Variants in TENM2 observed in about 807,000 individuals in gnomAD.
TENM2 encodes the protein teneurin transmembrane protein 2.
TENM2 carries 52 observed loss-of-function variants against 245.2 expected under a neutral mutation model. That is an observed-to-expected ratio of 0.21 (90% CI 0.17 to 0.27). TENM2 has a LOEUF of 0.27. TENM2 is among the 10% of genes least tolerant of loss of function. The pLI, the probability that TENM2 is intolerant of heterozygous loss-of-function variation, is 1.00. For missense variants in TENM2, 3,046 were observed against 3,666.8 expected, an observed-to-expected ratio of 0.83 and a Z score of 4.37; for synonymous variants, 1,363 against 1,438.9, an observed-to-expected ratio of 0.95 and a Z score of 1.19.
intron 23 of TENM2, among the ~76,000 whole-genome samples, chr5:168,224,481 T>C (rs1377150128): frequency 6.6e-6 from 1 of 152,258 alleles, no homozygotes; most frequent in Admixed American, 6.5e-5. Context: ...CCTGAAAGCC[T>C]GAGCCAGGTC....
chr5:167,465,720 A>G (rs1766603697), intron 2 of TENM2, among the ~76,000 whole-genome samples: 1 of 151,934 alleles, frequency 6.6e-6, no homozygotes, highest in Non-Finnish European at 1.5e-5. Flanking sequence ...AGTCCCAGCT[A>G]CTCCGGAGGC....
chr5:167,284,876 A>G (rs1235511898), exon 1 of TENM2: 2 of 1,551,692 alleles, frequency 1.3e-6, no homozygotes, highest in Non-Finnish European at 1.7e-6. Context: ...CTTTGACCAG[A>G]GGACGCTGTG....
chr5:168,040,233 G>T (rs1339169945), intron 5 of TENM2, among the ~76,000 whole-genome samples: 1 of 152,196 alleles, frequency 6.6e-6, no homozygotes, highest in Non-Finnish European at 1.5e-5. Flanking sequence ...GGACAGTTTT[G>T]GGACTGTAGC....
At chr5:168,209,717 C>T (rs1562284040) in intron 19 of TENM2, among the ~76,000 whole-genome samples, 1 of 152,196 alleles carries the variant, frequency 6.6e-6, no homozygotes, top group East Asian at 1.9e-4. Context: ...GCAAAGTCTG[C>T]CCAGCACTAA....
rs941890891 is a variant in TENM2, at chr5:167,781,070, G to T, written c.503-94916G>T. 5.9e-5 allele frequency among the ~76,000 whole-genome samples: 9 copies of T among 152,238 alleles called. No individual in the cohort carries two copies. In the South Asian group the frequency reaches 1.0e-3, roughly 18 times the overall value. Reference sequence around the variant, plus strand: ...TCACGCTTGTAATCCAAGCACTTTGGGGGGCTGAGGTGGGAGGATCATTTA... The same window carrying T: ...TCACGCTTGTAATCCAAGCACTTTGTGGGGCTGAGGTGGGAGGATCATTTA... On this transcript the variant is annotated intron_variant, in intron 2 of 28. Transcript: ENST00000518659.
chr5:168,127,181 G>A (rs1721358721), intron 12 of TENM2, among the ~76,000 whole-genome samples: 1 of 152,188 alleles, frequency 6.6e-6, no homozygotes, highest in Non-Finnish European at 1.5e-5. Flanking sequence ...GACCAGAGCA[G>A]ATAAGAAAAC....
chr5:167,050,050 C>G, the TENM2 span, among the ~76,000 whole-genome samples: 2 of 152,042 alleles, frequency 1.3e-5, no homozygotes, highest in Non-Finnish European at 2.9e-5. Context: ...GAGTCAGCTG[C>G]CAAATACAAA....
intron 4 of TENM2, among the ~76,000 whole-genome samples, chr5:167,984,924 GC>G (rs1783124897): frequency 6.6e-6 from 1 of 151,998 alleles, no homozygotes; most frequent in Admixed American, 6.6e-5. Flanking sequence ...GCCTCAACCA[GC>G]ACCATTCCTT....
the TENM2 span, among the ~76,000 whole-genome samples, chr5:167,193,141 T>C: frequency 6.6e-6 from 1 of 152,034 alleles, no homozygotes. Context: ...ACGTTTAATA[T>C]ATCTTGTTCA....
At chr5:168,109,036 C>A (rs905754630) in intron 9 of TENM2, among the ~76,000 whole-genome samples, 2 of 152,170 alleles carry the variant, frequency 1.3e-5, no homozygotes, top group Non-Finnish European at 1.5e-5. Context: ...ATCATTCATA[C>A]CCATCTCCTT....
exon 29 of TENM2, chr5:168,262,148 G>C: frequency 6.2e-7 from 1 of 1,613,732 alleles, no homozygotes; most frequent in South Asian, 1.1e-5. Context: ...CAGCATCCGA[G>C]AGAAAGCAGG....
Position 168,141,383 on chromosome 5 carries a change from A to T in TENM2, c.2422+14417A>T, listed in dbSNP as rs112737616. On this transcript the variant is annotated intron_variant, in intron 12 of 28. Transcript: ENST00000518659. The stretch of plus-strand genomic sequence containing the variant: ...CAGAGGCAGATGCAAAACCAGGGAA[A>T]CACCTGGCCATTTTAAATGCATGTG... Among the ~76,000 whole-genome samples the T allele has an allele frequency of 7.7e-3, 1,167 of 152,294 alleles. 13 individuals are homozygous for T. The highest frequency in any genetic ancestry group is 0.026 in the African/African-American group (1,089 of 41,562).
At chr5:168,019,284 G>T (rs1362753674) in intron 5 of TENM2, among the ~76,000 whole-genome samples, 2 of 152,170 alleles carry the variant, frequency 1.3e-5, no homozygotes, top group Admixed American at 1.3e-4. Context: ...ATTCTTAAGT[G>T]ACTCAAAACC....
At chr5:168,164,576 T>C (rs1325892156) in intron 13 of TENM2, among the ~76,000 whole-genome samples, 1 of 152,126 alleles carries the variant, frequency 6.6e-6, no homozygotes, top group African/African-American at 2.4e-5. Flanking sequence ...CAGGAGAAGT[T>C]TTCTGTCTCC....
intron 2 of TENM2, among the ~76,000 whole-genome samples, chr5:167,578,928 A>G (rs1002094579): frequency 4.6e-5 from 7 of 152,206 alleles, no homozygotes; most frequent in Admixed American, 4.6e-4. Flanking sequence ...AGTACAATTA[A>G]GTAAGTAGAG....
chr5:168,231,374 C>CAAAG (rs1360280977), intron 25 of TENM2, among the ~76,000 whole-genome samples: 1 of 152,152 alleles, frequency 6.6e-6, no homozygotes, highest in Non-Finnish European at 1.5e-5. Flanking sequence ...GGTGACAGGA[C>CAAAG]AAAGAATGTC....
At chr5:167,020,959 C>A in the TENM2 span, among the ~76,000 whole-genome samples, 1 of 152,124 alleles carries the variant, frequency 6.6e-6, no homozygotes, top group Admixed American at 6.6e-5. Flanking sequence ...GCCTGGCCAA[C>A]ATGGTGAAAC....
chr5:167,267,220 AGC>A, the TENM2 span, among the ~76,000 whole-genome samples: 1 of 152,148 alleles, frequency 6.6e-6, no homozygotes, highest in Non-Finnish European at 1.5e-5. Flanking sequence ...CATTCTTCCC[AGC>A]AATCCTGACC....
chr5:167,035,135 T>G, the TENM2 span, among the ~76,000 whole-genome samples: 1 of 152,204 alleles, frequency 6.6e-6, no homozygotes, highest in Non-Finnish European at 1.5e-5. Context: ...AGACTGTATT[T>G]TATTTGAAAC....
Sources: allele counts gnomAD v4.1 joint callset (sites outside exome capture counted in the v4.1 genomes callset), GRCh38; gene constraint gnomAD v4.1.1; transcripts MANE v1.5; gene names NCBI Gene and HGNC (gene_info 2026-07-23, HGNC 2026-07-21).